The following GFRA2 variants were observed in gnomAD, a reference collection of about 807,000 sequenced individuals.
The protein encoded by GFRA2 is GDNF family receptor alpha 2.
A neutral mutation model predicts 48.3 loss-of-function variants in GFRA2; 17 were observed. The ratio of observed to expected loss-of-function variants is 0.35; its 90% CI spans 0.24 to 0.53. The LOEUF is 0.53. GFRA2 is among the 20% of genes least tolerant of loss of function. The pLI, the probability that GFRA2 is intolerant of heterozygous loss-of-function variation, is 0.93. For missense variants in GFRA2, 660 were observed against 637.3 expected (o/e 1.04, Z -0.38); for synonymous variants, 305 against 257.2 (o/e 1.19, Z -1.78).
chr8:21,696,989 G>A (rs1003327968), intron 7 of GFRA2, among the ~76,000 whole-genome samples: 1 of 133,392 alleles, frequency 7.5e-6, no homozygotes, highest in African/African-American at 2.8e-5. Context: ...AGAGGGCAGG[G>A]GAGAGAAGAG....
At chr8:21,729,125 A>C (rs1009094067) in intron 4 of GFRA2, among the ~76,000 whole-genome samples, 1 of 152,126 alleles carries the variant, frequency 6.6e-6, no homozygotes, top group South Asian at 2.1e-4. Flanking sequence ...TTTACTTAGC[A>C]GTCATAAACC....
chr8:21,769,114 T>TCTG, intron 3 of GFRA2: 10 of 940,152 alleles, frequency 1.1e-5, no homozygotes, highest in Non-Finnish European at 1.3e-5. Context: ...TAAATGAGTA[T>TCTG]CTACCTGTTG....
At chr8:21,778,884 T>C (rs956254304) in intron 2 of GFRA2, among the ~76,000 whole-genome samples, 1 of 150,974 alleles carries the variant, frequency 6.6e-6, no homozygotes, top group African/African-American at 2.4e-5. Context: ...CAAGACTCCA[T>C]CTCATTAAAA....
chr8:21,698,050 G>A (rs1802296776), intron 7 of GFRA2, among the ~76,000 whole-genome samples: 1 of 152,158 alleles, frequency 6.6e-6, no homozygotes, highest in African/African-American at 2.4e-5. Context: ...TACACAGAGG[G>A]GAGAGAAGCC....
intron 4 of GFRA2, among the ~76,000 whole-genome samples, chr8:21,735,015 G>T (rs552363026): frequency 6.6e-6 from 1 of 152,180 alleles, no homozygotes; most frequent in African/African-American, 2.4e-5. Context: ...GCTTCAAGTT[G>T]TCCCGCCTTC....
intron 4 of GFRA2, among the ~76,000 whole-genome samples, chr8:21,740,455 A>G (rs1804695342): frequency 6.6e-6 from 1 of 152,144 alleles, no homozygotes; most frequent in African/African-American, 2.4e-5. Flanking sequence ...CACGTCCCCA[A>G]ATCCAATGGT....
At chr8:21,712,932 G>A (rs1424347499) in intron 4 of GFRA2, among the ~76,000 whole-genome samples, 1 of 152,026 alleles carries the variant, frequency 6.6e-6, no homozygotes, top group Non-Finnish European at 1.5e-5. Flanking sequence ...AGGCAGGGAG[G>A]TTGCAGTGAG....
At chr8:21,778,092 G>C in intron 2 of GFRA2, among the ~76,000 whole-genome samples, 1 of 152,170 alleles carries the variant, frequency 6.6e-6, no homozygotes, top group East Asian at 1.9e-4. Flanking sequence ...CCACCAGCAG[G>C]GGCCAAGGAG....
chr8:21,705,152 G>A, intron 5 of GFRA2, 27 bp from the exon 6 acceptor site: 1 of 1,597,002 alleles, frequency 6.3e-7, no homozygotes, highest in East Asian at 2.2e-5. Flanking sequence ...GTGGGGGAGA[G>A]GAGAGAGGTA....
rs1413859667 is a variant in GFRA2, at chr8:21,788,267, C to T, written c.-108G>A. ...CAAGCAGTGGTAATCAGCCCCAAAT[C>T]CAATGCGGAGATCCCAGCTAGTCCA... On this transcript the variant is annotated 5_prime_UTR_variant, in exon 1 of 9. Coordinates refer to ENST00000524240, the MANE Select transcript of GFRA2 (RefSeq NM_001495.5). 1.4e-6 allele frequency: 2 copies of T among 1,457,770 alleles called. No individual in the cohort carries two copies. Among genetic ancestry groups the T allele is most frequent in the Non-Finnish European group, 1.8e-6 (2 of 1,102,440 alleles). The allele number at this position is 1,457,770 out of a possible 1,614,324, so 90.3% of individuals were successfully genotyped here.
chr8:21,773,620 C>A (rs961884210), intron 3 of GFRA2, among the ~76,000 whole-genome samples: 2 of 152,270 alleles, frequency 1.3e-5, no homozygotes, highest in South Asian at 2.1e-4. Flanking sequence ...ACCTTCAAGA[C>A]AAAATGTTAT....
In GFRA2 at chr8:21,747,354, C is replaced by T. The variant is rs550221778; in HGVS notation, c.794+3234G>A. ...GTTCAGTCACTGTGGCAAATGGCAG[C>T]GTGGCCACATCTGCTCCCTCCTCCT... On this transcript the variant is annotated intron_variant, in intron 4 of 8. Transcript: ENST00000524240. Among the ~76,000 whole-genome samples, 81 of 152,216 alleles carry T rather than the reference C, an allele frequency of 5.3e-4. 1 individual carries two copies. Among genetic ancestry groups the T allele is most frequent in the Non-Finnish European group, 5.1e-4 (35 of 68,042 alleles).
intron 1 of GFRA2, among the ~76,000 whole-genome samples, chr8:21,787,273 A>AGGGGGGGGGGG (rs1585344097): frequency 2.7e-4 from 14 of 51,820 alleles, no homozygotes; most frequent in African/African-American, 4.6e-4. Flanking sequence ...CGGGGGGGGC[A>AGGGGGGGGGGG]GTGGGGGGGG....
At chr8:21,772,342 C>T (rs893700021) in intron 3 of GFRA2, among the ~76,000 whole-genome samples, 6 of 152,220 alleles carry the variant, frequency 3.9e-5, no homozygotes, top group East Asian at 1.9e-4. Context: ...TCACTCTTAT[C>T]GACCAGGCTG....
intron 1 of GFRA2, among the ~76,000 whole-genome samples, chr8:21,807,598 T>C (rs1807895974): frequency 6.6e-6 from 1 of 152,214 alleles, no homozygotes; most frequent in African/African-American, 2.4e-5. Flanking sequence ...GAGGCCTCTC[T>C]CCTTGGCTTG....
intron 7 of GFRA2, among the ~76,000 whole-genome samples, chr8:21,696,039 C>T: frequency 6.6e-6 from 1 of 151,040 alleles, no homozygotes; most frequent in Non-Finnish European, 1.5e-5. Flanking sequence ...CCATTGGGAG[C>T]CCTCTCCTTT....
At chr8:21,700,292 C>G (rs909982421) in intron 7 of GFRA2, among the ~76,000 whole-genome samples, 1 of 152,184 alleles carries the variant, frequency 6.6e-6, no homozygotes, top group Non-Finnish European at 1.5e-5. Flanking sequence ...TTTGCAGGCC[C>G]TATCAGGCCT....
At chr8:21,787,194 C>T (rs1438619484) in intron 1 of GFRA2, among the ~76,000 whole-genome samples, 1 of 139,400 alleles carries the variant, frequency 7.2e-6, no homozygotes, top group Non-Finnish European at 1.5e-5. Flanking sequence ...GCTGGGAATT[C>T]TGTGTGGAAA....
In GFRA2 at chr8:21,750,446, T is replaced by A. The variant is rs1031009759; in HGVS notation, c.794+142A>T. 4 of 597,090 alleles carry A rather than the reference T, an allele frequency of 6.7e-6. No homozygotes were observed. Among genetic ancestry groups the A allele is most frequent in the African/African-American group, 3.7e-5 (2 of 53,806 alleles). The allele number at this position is 597,090 out of a possible 1,614,324, so 37.0% of individuals were successfully genotyped here. On this transcript the variant is annotated intron_variant, in intron 4 of 8. Coordinates refer to ENST00000524240, the MANE Select transcript of GFRA2 (RefSeq NM_001495.5). This position sits in a 1 kb window ranked among gnomAD's most constrained non-coding sequence, Gnocchi z 5.7. The stretch of plus-strand genomic sequence containing the variant: ...AAAATTCATTTTGCACATGTCCAAG[T>A]CAGTTTTACCCTTTTTGACACCCTT...
Sources: gnomAD v4.1 joint callset for allele counts (sites outside exome capture counted in the v4.1 genomes callset) on GRCh38, gnomAD v4.1.1 for gene constraint, Gnocchi (gnomAD v3.1) non-coding constraint, MANE v1.5 for transcripts, NCBI Gene and HGNC (gene_info 2026-07-23, HGNC 2026-07-21) for gene names.